SOX5: variants seen among roughly 807,000 people sequenced by gnomAD.
The protein encoded by SOX5 is SRY-box transcription factor 5.
Under a neutral mutation model 92.0 loss-of-function variants are expected in SOX5, and 9 were observed. The observed-to-expected ratio is 0.10, with a 90% CI of 0.06 to 0.17. SOX5 has a LOEUF of 0.17. Ranked by LOEUF, SOX5 falls within the 10% of genes least tolerant of loss-of-function variation. The pLI is 1.00. For synonymous variants in SOX5, 344 were observed against 336.3 expected, an observed-to-expected ratio of 1.02 and a Z score of -0.25; for missense variants, 642 against 944.5, an observed-to-expected ratio of 0.68 and a Z score of 4.20.
chr12:23,867,772 A>G (rs1352343023), intron 2 of SOX5, among the ~76,000 whole-genome samples: 1 of 151,984 alleles, frequency 6.6e-6, no homozygotes, highest in Non-Finnish European at 1.5e-5. Flanking sequence ...CTTACTTTGA[A>G]AAGCGATCTG....
At chr12:23,749,903 A>G (rs1176744093) in intron 4 of SOX5, among the ~76,000 whole-genome samples, 2 of 151,912 alleles carry the variant, frequency 1.3e-5, no homozygotes, top group Non-Finnish European at 2.9e-5. Context: ...TTGAGCCAAC[A>G]GAATATTAGG....
intron 7 of SOX5, among the ~76,000 whole-genome samples, chr12:23,661,202 C>T (rs979488553): frequency 6.6e-6 from 1 of 152,096 alleles, no homozygotes; most frequent in African/African-American, 2.4e-5. Context: ...AAAATATCTT[C>T]CTGTTACAAT....
intron 4 of SOX5, among the ~76,000 whole-genome samples, chr12:24,195,853 G>A (rs565274794): frequency 6.6e-6 from 1 of 152,106 alleles, no homozygotes; most frequent in Non-Finnish European, 1.5e-5. Flanking sequence ...TGCTTATATA[G>A]TCTCCATACA....
intron 1 of SOX5, among the ~76,000 whole-genome samples, chr12:24,391,013 A>C (rs1242458721): frequency 2.0e-5 from 3 of 152,166 alleles, no homozygotes; most frequent in Non-Finnish European, 4.4e-5. Flanking sequence ...TGTTTTCCAT[A>C]GGATTGTACT....
Position 24,298,724 on chromosome 12 carries a change from G to A in SOX5, c.-173-21412C>T, listed in dbSNP as rs147625637. 3.5e-3 allele frequency among the ~76,000 whole-genome samples: 496 copies of A among 143,292 alleles called. 1 individual carries two copies. The highest frequency in any genetic ancestry group is 0.012 in the African/African-American group (483 of 39,166). The allele number at this position is 143,292 out of a possible 152,430, so 94.0% of individuals were successfully genotyped here. The stretch of plus-strand genomic sequence containing the variant: ...AAGAACTTGCATTTATGTACTTGCT[G>A]AAGGTCACACAGATAGGAAGGTGCA... On this transcript the variant is annotated intron_variant, in intron 2 of 4. Transcript: ENST00000446891.
intron 4 of SOX5, among the ~76,000 whole-genome samples, chr12:24,165,783 G>T (rs573334493): frequency 1.3e-5 from 2 of 152,074 alleles, no homozygotes; most frequent in African/African-American, 2.4e-5. Context: ...GGCTGTAGAA[G>T]ATCATCTTTA....
At chr12:23,577,337 T>C (rs1949328141) in intron 9 of SOX5, among the ~76,000 whole-genome samples, 1 of 151,062 alleles carries the variant, frequency 6.6e-6, no homozygotes, top group African/African-American at 2.4e-5. Context: ...GGGACACTAC[T>C]ACGTGGTGCA....
At chr12:23,660,624 T>G (rs932539192) in intron 7 of SOX5, among the ~76,000 whole-genome samples, 2 of 152,116 alleles carry the variant, frequency 1.3e-5, no homozygotes, top group African/African-American at 2.4e-5. Context: ...CATAGCACTG[T>G]TAAGTGGAAA....
At chr12:24,331,038 G>A (rs1595659432) in intron 2 of SOX5, among the ~76,000 whole-genome samples, 2 of 152,244 alleles carry the variant, frequency 1.3e-5, no homozygotes, top group East Asian at 3.9e-4. Flanking sequence ...GGAGTTACTA[G>A]GTACCAAAAA....
intron 6 of SOX5, among the ~76,000 whole-genome samples, chr12:23,698,816 T>A (rs2090237165): frequency 6.6e-6 from 1 of 152,200 alleles, no homozygotes; most frequent in Non-Finnish European, 1.5e-5. Context: ...TTTATACCTG[T>A]TTTTAAGGTC....
At chr12:23,983,070 T>C (rs1419448195) in intron 4 of SOX5, among the ~76,000 whole-genome samples, 1 of 151,614 alleles carries the variant, frequency 6.6e-6, no homozygotes, top group Non-Finnish European at 1.5e-5. Flanking sequence ...ACACAGAAAA[T>C]TCTCAGGTTT....
At chr12:23,915,517 T>C (rs563047186) in intron 1 of SOX5, among the ~76,000 whole-genome samples, 1 of 152,304 alleles carries the variant, frequency 6.6e-6, no homozygotes, top group South Asian at 2.1e-4. Context: ...TTCTTACAAC[T>C]GGCTCTGAAG....
intron 3 of SOX5, among the ~76,000 whole-genome samples, chr12:24,220,038 T>C (rs1318760127): frequency 6.6e-6 from 1 of 152,094 alleles, no homozygotes; most frequent in Non-Finnish European, 1.5e-5. Flanking sequence ...TTAATGTTAA[T>C]AGCTTTTTTT....
At chr12:24,233,204 A>G (rs1252409304) in intron 3 of SOX5, among the ~76,000 whole-genome samples, 1 of 152,246 alleles carries the variant, frequency 6.6e-6, no homozygotes, top group African/African-American at 2.4e-5. Flanking sequence ...AAAATGGATA[A>G]TGTTTAAATA....
intron 1 of SOX5, among the ~76,000 whole-genome samples, chr12:24,469,103 G>A (rs570430968): frequency 2.0e-5 from 3 of 152,260 alleles, no homozygotes; most frequent in South Asian, 4.2e-4. Context: ...GCAACTAGGC[G>A]GTCCCATCTG....
intron 4 of SOX5, among the ~76,000 whole-genome samples, chr12:24,114,573 CAAAAAAAAAAAAA>C (rs55913110): frequency 8.6e-4 from 35 of 40,592 alleles, no homozygotes; most frequent in African/African-American, 1.5e-3. Flanking sequence ...CACCCCGTCA[CAAAAAAAAAAAAA>C]AAAAAAAAAA....
intron 4 of SOX5, among the ~76,000 whole-genome samples, chr12:24,069,418 A>G (rs1410293805): frequency 6.6e-6 from 1 of 152,256 alleles, no homozygotes; most frequent in Non-Finnish European, 1.5e-5. Flanking sequence ...ATAACTGCAT[A>G]GCAAAGCAAC....
chr12:23,729,324 C>G (rs1241259419), intron 6 of SOX5, among the ~76,000 whole-genome samples: 1 of 152,126 alleles, frequency 6.6e-6, no homozygotes, highest in Non-Finnish European at 1.5e-5. Context: ...AGACTGAGTT[C>G]AGGTTCATCT....
At chr12:23,683,281 G>A (rs1433048174) in intron 6 of SOX5, among the ~76,000 whole-genome samples, 1 of 151,748 alleles carries the variant, frequency 6.6e-6, no homozygotes, top group African/African-American at 2.4e-5. Context: ...TGTCCACACT[G>A]CCAGTGGGAT....
Sources: gnomAD v4.1 joint callset for allele counts (sites outside exome capture counted in the v4.1 genomes callset) on GRCh38, gnomAD v4.1.1 for gene constraint, MANE v1.5 for transcripts, NCBI Gene and HGNC (gene_info 2026-07-23, HGNC 2026-07-21) for gene names.